The following SSBP2 variants were observed in gnomAD, a reference collection of about 807,000 sequenced individuals.
SSBP2 encodes the protein single stranded DNA binding protein 2.
A neutral mutation model predicts 61.8 loss-of-function variants in SSBP2; 17 were observed. That is an observed-to-expected ratio of 0.28 (90% CI 0.19 to 0.41). The LOEUF is 0.41. Ranked by LOEUF, SSBP2 falls within the 10% of genes least tolerant of loss-of-function variation. The pLI is 1.00. For synonymous variants in SSBP2, 139 were observed against 141.3 expected, an observed-to-expected ratio of 0.98 and a Z score of 0.12; for missense variants, 310 against 458.7, an observed-to-expected ratio of 0.68 and a Z score of 2.96.
At chr5:81,509,347 A>C (rs1024425373) in intron 5 of SSBP2, among the ~76,000 whole-genome samples, 18 of 152,184 alleles carry the variant, frequency 1.2e-4, no homozygotes, top group African/African-American at 4.3e-4. Flanking sequence ...GATTTGGATC[A>C]TTCTTGAAGG....
intron 4 of SSBP2, among the ~76,000 whole-genome samples, chr5:81,543,867 G>A (rs1019196796): frequency 6.6e-6 from 1 of 152,070 alleles, no homozygotes; most frequent in African/African-American, 2.4e-5. Flanking sequence ...ACTCTGCTAA[G>A]TATATCTAGA....
intron 1 of SSBP2, among the ~76,000 whole-genome samples, chr5:81,653,257 T>G (rs898404007): frequency 6.6e-6 from 1 of 152,184 alleles, no homozygotes; most frequent in African/African-American, 2.4e-5. Flanking sequence ...TTCAACCATG[T>G]CCCTGCAAAA....
chr5:81,448,659 A>G (rs1763563423), intron 11 of SSBP2, 131 bp downstream of exon 11: 1 of 856,122 alleles, frequency 1.2e-6, no homozygotes, highest in Non-Finnish European at 1.9e-6. Flanking sequence ...AGGTTGGCAG[A>G]TGAAACAACT....
intron 2 of SSBP2, among the ~76,000 whole-genome samples, chr5:81,641,000 T>G (rs1748734647): frequency 6.6e-6 from 1 of 152,208 alleles, no homozygotes; most frequent in Non-Finnish European, 1.5e-5. Flanking sequence ...CATCTTGACT[T>G]TACATAATAT....
At chr5:81,521,201 G>A (rs747192494) in intron 4 of SSBP2, among the ~76,000 whole-genome samples, 14 of 151,922 alleles carry the variant, frequency 9.2e-5, no homozygotes, top group Non-Finnish European at 1.9e-4. Context: ...TATGAAAAAT[G>A]AAGAAGCTAG....
chr5:81,679,395 G>A (rs1190479407), intron 1 of SSBP2, among the ~76,000 whole-genome samples: 3 of 152,136 alleles, frequency 2.0e-5, no homozygotes, highest in Admixed American at 6.6e-5. Flanking sequence ...GCTTATATAC[G>A]TATCCTTATA....
intron 1 of SSBP2, among the ~76,000 whole-genome samples, chr5:81,674,000 G>A (rs956695288): frequency 6.6e-6 from 1 of 152,144 alleles, no homozygotes; most frequent in Non-Finnish European, 1.5e-5. Flanking sequence ...GTTTGAACCA[G>A]ATAACCTTTA....
rs1001890347 is a variant in SSBP2 at position 81,669,068 on chromosome 5, T to A, written c.63-18729A>T. On this transcript the variant is annotated intron_variant, in intron 1 of 16. Coordinates refer to ENST00000320672, the MANE Select transcript of SSBP2 (RefSeq NM_012446.5). Reference sequence around the variant, plus strand: ...AGACAAAATGGAAGTAGCCTGTATGTTCAACTAAATAGAAATGATTAAATT... The same window carrying A: ...AGACAAAATGGAAGTAGCCTGTATGATCAACTAAATAGAAATGATTAAATT... Among the ~76,000 whole-genome samples the A allele has an allele frequency of 3.9e-5, 6 of 152,310 alleles. No homozygotes were observed. The East Asian group carries it at 1.2e-3, about 29-fold the overall frequency.
chr5:81,495,199 T>A (rs1249199877), intron 5 of SSBP2, among the ~76,000 whole-genome samples: 1 of 152,128 alleles, frequency 6.6e-6, no homozygotes, highest in East Asian at 1.9e-4. Flanking sequence ...TTTTTGAAGG[T>A]CCCAGGCCCC....
At chr5:81,611,600 G>T (rs977003423) in intron 4 of SSBP2, among the ~76,000 whole-genome samples, 2 of 152,002 alleles carry the variant, frequency 1.3e-5, no homozygotes, top group Non-Finnish European at 2.9e-5. Flanking sequence ...ACTATTGGCA[G>T]CAATCACAGG....
At chr5:81,650,194 A>G (rs2153709592) in intron 2 of SSBP2, 73 bp downstream of exon 2, 2 of 1,104,688 alleles carry the variant, frequency 1.8e-6, no homozygotes, top group East Asian at 2.6e-5. Context: ...CTTTTTTCAA[A>G]TAATTATTAT....
intron 4 of SSBP2, among the ~76,000 whole-genome samples, chr5:81,541,317 T>A (rs1443555298): frequency 6.6e-6 from 1 of 152,058 alleles, no homozygotes; most frequent in Non-Finnish European, 1.5e-5. Flanking sequence ...ATTGGAAGAA[T>A]CAATATTATT....
intron 5 of SSBP2, among the ~76,000 whole-genome samples, chr5:81,503,313 G>T (rs907533049): frequency 6.6e-6 from 1 of 152,114 alleles, no homozygotes; most frequent in Non-Finnish European, 1.5e-5. Flanking sequence ...AATTAGCCGG[G>T]TGTGGTGGTG....
chr5:81,583,811 C>T (rs1368773841), intron 4 of SSBP2, among the ~76,000 whole-genome samples: 1 of 152,076 alleles, frequency 6.6e-6, no homozygotes, highest in Non-Finnish European at 1.5e-5. Context: ...TTCATGTTTA[C>T]CCGTCAAATG....
At chr5:81,513,883 T>G (rs1242788677) in intron 4 of SSBP2, among the ~76,000 whole-genome samples, 166 bp from the exon 5 acceptor site, 1 of 152,246 alleles carries the variant, frequency 6.6e-6, no homozygotes, top group Non-Finnish European at 1.5e-5. Context: ...GTTTAGTATA[T>G]GACTGGTTAA....
intron 4 of SSBP2, among the ~76,000 whole-genome samples, chr5:81,614,101 C>T (rs1745742232): frequency 6.6e-6 from 1 of 152,124 alleles, no homozygotes; most frequent in Non-Finnish European, 1.5e-5. Context: ...TGGCTCACGC[C>T]TGTAATCCCA....
chr5:81,488,020 TATATATATATATA>T (rs1766523428), intron 6 of SSBP2, among the ~76,000 whole-genome samples: 3 of 15,896 alleles, frequency 1.9e-4, no homozygotes, highest in Admixed American at 5.5e-4. Flanking sequence ...AATATATATA[TATATATATATATA>T]TATATATATA....
intron 3 of SSBP2, among the ~76,000 whole-genome samples, chr5:81,630,719 A>C (rs1160079836): frequency 1.3e-5 from 2 of 152,040 alleles, no homozygotes; most frequent in Non-Finnish European, 2.9e-5. Context: ...AAAGGAAAAA[A>C]ATGGCACATT....
chr5:81,464,164 G>C (rs1282274327), intron 9 of SSBP2, among the ~76,000 whole-genome samples: 1 of 152,058 alleles, frequency 6.6e-6, no homozygotes. Context: ...TACAGAATAA[G>C]AAGATCCTCT....
Sources: gnomAD v4.1 joint callset for allele counts (sites outside exome capture counted in the v4.1 genomes callset) on GRCh38, gnomAD v4.1.1 for gene constraint, MANE v1.5 for transcripts, NCBI Gene and HGNC (gene_info 2026-07-23, HGNC 2026-07-21) for gene names.